The following DTNA variants were observed in gnomAD, a reference collection of about 807,000 sequenced individuals.
The protein encoded by DTNA is dystrophin-related protein 3.
Under a neutral mutation model 100.7 loss-of-function variants are expected in DTNA, and 43 were observed. The ratio of observed to expected loss-of-function variants is 0.43; its 90% CI spans 0.33 to 0.55. The LOEUF (loss-of-function observed/expected upper bound fraction) is 0.55, where lower values mean the gene tolerates loss of function less well. Ranked by LOEUF, DTNA falls within the 20% of genes least tolerant of loss-of-function variation. The pLI is 0.04. For synonymous variants in DTNA, 349 were observed against 347.9 expected, an observed-to-expected ratio of 1.00 and a Z score of -0.04; for missense variants, 798 against 953.9, an observed-to-expected ratio of 0.84 and a Z score of 2.15.
At chr18:34,651,635 C>A (rs1261151183) in intron 1 of DTNA, among the ~76,000 whole-genome samples, 1 of 152,112 alleles carries the variant, frequency 6.6e-6, no homozygotes, top group South Asian at 2.1e-4. Flanking sequence ...TTTATAGGGC[C>A]TACCATAAAA....
chr18:34,829,091 C>T, intron 10 of DTNA: 5 of 1,614,124 alleles, frequency 3.1e-6, no homozygotes, highest in Non-Finnish European at 4.2e-6. Flanking sequence ...ATGACTTCTT[C>T]TACCCTAAAA....
chr18:34,544,073 A>G (rs2044518419), intron 1 of DTNA, among the ~76,000 whole-genome samples: 1 of 152,130 alleles, frequency 6.6e-6, no homozygotes, highest in Non-Finnish European at 1.5e-5. Flanking sequence ...TTGATTATGC[A>G]AAGTGGAAGT....
chr18:34,677,136 G>A (rs1024002998), intron 1 of DTNA, among the ~76,000 whole-genome samples: 2 of 152,126 alleles, frequency 1.3e-5, no homozygotes, highest in Non-Finnish European at 2.9e-5. Flanking sequence ...TGTGATATAT[G>A]GGGTGAAGTG....
intron 1 of DTNA, among the ~76,000 whole-genome samples, chr18:34,536,413 C>T (rs994839466): frequency 3.3e-5 from 5 of 151,724 alleles, no homozygotes; most frequent in Non-Finnish European, 7.4e-5. Flanking sequence ...GTTCTTATTC[C>T]CGGACCATCA....
intron 1 of DTNA, among the ~76,000 whole-genome samples, chr18:34,735,591 C>T (rs534326982): frequency 1.1e-4 from 16 of 152,150 alleles, no homozygotes; most frequent in African/African-American, 3.6e-4. Flanking sequence ...CTTTGCAGTT[C>T]ATTGCATTAT....
At position 34,881,437 on chromosome 18, in the gene DTNA, C is replaced by CTTT. The variant is rs752828928; in HGVS notation, c.2163-609_2163-607dup. ...ATAGTGGAATTGGATAATTAAAATG[C>CTTT]TTTTTTTTTTTTTTTTTTTTTTTTT... On this transcript the variant is annotated intron_variant, in intron 20 of 22. Transcript: ENST00000444659. Among the ~76,000 whole-genome samples, 247 of 51,400 alleles carry CTTT rather than the reference C, an allele frequency of 4.8e-3. 31 individuals carry two copies. The highest frequency in any genetic ancestry group is 0.012 in the African/African-American group (149 of 11,952). The allele number at this position is 51,400 out of a possible 152,430, so 33.7% of individuals were successfully genotyped here.
chr18:34,607,265 G>T (rs903004653), intron 1 of DTNA, among the ~76,000 whole-genome samples: 2 of 152,144 alleles, frequency 1.3e-5, no homozygotes, highest in African/African-American at 4.8e-5. Context: ...AGGTAGCAAA[G>T]ATTATTTAAA....
At chr18:34,578,378 C>T (rs1220585564) in intron 1 of DTNA, among the ~76,000 whole-genome samples, 1 of 151,656 alleles carries the variant, frequency 6.6e-6, no homozygotes, top group African/African-American at 2.4e-5. Context: ...GATATTAGAC[C>T]TTTGTCAGAT....
intron 9 of DTNA, chr18:34,821,365 T>C: frequency 2.3e-6 from 1 of 439,872 alleles, no homozygotes; most frequent in Middle Eastern, 3.4e-4. Context: ...TTGTTTTTCA[T>C]CCCAAGCTGT....
At chr18:34,731,634 C>T (rs188414386) in intron 1 of DTNA, among the ~76,000 whole-genome samples, 10 of 152,324 alleles carry the variant, frequency 6.6e-5, no homozygotes, top group Admixed American at 5.2e-4. Context: ...AACTGTACTT[C>T]TTTGAGTATC....
chr18:34,825,356 G>A (rs1819605538), intron 9 of DTNA: 6 of 1,544,852 alleles, frequency 3.9e-6, no homozygotes, highest in South Asian at 2.2e-5. Context: ...CAAAACAAGT[G>A]AGCAATATGA....
intron 1 of DTNA, among the ~76,000 whole-genome samples, chr18:34,566,642 T>C (rs1329483805): frequency 1.3e-5 from 2 of 152,210 alleles, no homozygotes; most frequent in East Asian, 3.9e-4. Flanking sequence ...GTAACCTCTC[T>C]TCTCGTTGCA....
intron 1 of DTNA, among the ~76,000 whole-genome samples, chr18:34,564,880 G>A (rs960369746): frequency 2.0e-5 from 3 of 152,132 alleles, no homozygotes; most frequent in Non-Finnish European, 4.4e-5. Flanking sequence ...GCCTGCTGTA[G>A]ACTTAAGATA....
chr18:34,672,559 A>C (rs973779609), intron 1 of DTNA, among the ~76,000 whole-genome samples: 2 of 152,160 alleles, frequency 1.3e-5, no homozygotes, highest in African/African-American at 4.8e-5. Context: ...GTTCTGTGTG[A>C]ATGTGTGTAT....
rs766122319 is a variant in DTNA, at chr18:34,827,666, A to G, written c.1075A>G (p.Ile359Val). The change falls in exon 10 of 23, where the codon ATT becomes GTT. Residue 359 changes from isoleucine (I) to valine (V), a missense_variant. This residue lies in a region of DTNA where 93 missense variants were observed against 90.5 expected (regional missense o/e 1.03). Coordinates refer to ENST00000444659, the MANE Select transcript of DTNA (RefSeq NM_001386795.1). ...HSVPSSGSPF[I>V]TRRLPEGISA... is the part of the protein sequence containing the mutation. ...TGTTCCCTCCTCAGGAAGTCCTTTTATTACCAGGAGGTAAGTTCCAACCCT... is the reference window on the plus strand; with the variant it reads ...TGTTCCCTCCTCAGGAAGTCCTTTTGTTACCAGGAGGTAAGTTCCAACCCT... 1.9e-6 allele frequency: 3 copies of G among 1,613,872 alleles called. No homozygotes were observed. Among genetic ancestry groups the G allele is most frequent in the Non-Finnish European group, 2.5e-6 (3 of 1,179,796 alleles).
At chr18:34,705,483 T>G (rs923257287), upstream of DTNA, among the ~76,000 whole-genome samples, 1 of 152,158 alleles carries the variant, frequency 6.6e-6, no homozygotes, top group African/African-American at 2.4e-5. Flanking sequence ...AAAAGCAAAG[T>G]GGACTCACAA....
rs73418609 is a variant in DTNA, at chr18:34,803,511, T to G, written c.363-2708T>G. Among the ~76,000 whole-genome samples, 300 of 152,296 alleles carry G rather than the reference T, an allele frequency of 2.0e-3. 3 individuals carry two copies. Among genetic ancestry groups the G allele is most frequent in the African/African-American group, 6.4e-3 (264 of 41,566 alleles). ...TGGTGGTCAATCCTCTCCTTTTAAA[T>G]AAATTATTCTCTCGGATTCATTGAA... On this transcript the variant is annotated intron_variant, in intron 4 of 22. Coordinates refer to ENST00000444659, the MANE Select transcript of DTNA (RefSeq NM_001386795.1).
chr18:34,799,017 C>T (rs8182378), intron 4 of DTNA, among the ~76,000 whole-genome samples: 1 of 152,104 alleles, frequency 6.6e-6, no homozygotes, highest in Non-Finnish European at 1.5e-5. Context: ...ACTTGTTTTG[C>T]TTATTACAGG....
At chr18:34,528,005 C>T (rs1018450413) in intron 1 of DTNA, among the ~76,000 whole-genome samples, 4 of 152,058 alleles carry the variant, frequency 2.6e-5, no homozygotes, top group Non-Finnish European at 4.4e-5. Flanking sequence ...TTGGAGTACA[C>T]AGGAATGTTA....
Sources: allele counts gnomAD v4.1 joint callset (sites outside exome capture counted in the v4.1 genomes callset), GRCh38; gene constraint gnomAD v4.1.1; regional missense constraint gnomAD v4.1.1; transcripts MANE v1.5; gene names NCBI Gene and HGNC (gene_info 2026-07-23, HGNC 2026-07-21).